NFIB: variants seen among roughly 807,000 people sequenced by gnomAD.
NFIB encodes nuclear factor 1 B-type.
A neutral mutation model predicts 61.5 loss-of-function variants in NFIB; 11 were observed. The observed-to-expected ratio is 0.18, with a 90% CI of 0.11 to 0.30. The LOEUF (loss-of-function observed/expected upper bound fraction) is 0.30, where lower values mean the gene tolerates loss of function less well. Ranked by LOEUF, NFIB falls within the 10% of genes least tolerant of loss-of-function variation. The pLI is 1.00. For missense variants in NFIB, 471 were observed against 608.9 expected (o/e 0.77, Z 2.38); for synonymous variants, 260 against 216.5 (o/e 1.20, Z -1.76).
chr9:14,153,133 T>A (rs773240188), intron 4 of NFIB, among the ~76,000 whole-genome samples: 1 of 152,116 alleles, frequency 6.6e-6, no homozygotes, highest in African/African-American at 2.4e-5. Context: ...AGAGATCACA[T>A]GGATTCCATA....
At chr9:14,366,495 T>C (rs1291450887) in intron 1 of NFIB, among the ~76,000 whole-genome samples, 1 of 152,064 alleles carries the variant, frequency 6.6e-6, no homozygotes, top group Non-Finnish European at 1.5e-5. Flanking sequence ...TCTTTTTTTT[T>C]TTCTTCTTGA....
chr9:14,254,298 C>A (rs1587948835), intron 2 of NFIB, among the ~76,000 whole-genome samples: 2 of 150,662 alleles, frequency 1.3e-5, no homozygotes, highest in Admixed American at 1.3e-4. Context: ...GACACTGTCT[C>A]AAAAAAAACA....
At chr9:14,366,074 C>T (rs1184870079) in intron 1 of NFIB, among the ~76,000 whole-genome samples, 2 of 152,198 alleles carry the variant, frequency 1.3e-5, no homozygotes, top group African/African-American at 4.8e-5. Flanking sequence ...TCCAGACGCT[C>T]CTGATCAAAG....
chr9:14,101,373 T>G (rs941257766), intron 10 of NFIB, among the ~76,000 whole-genome samples: 1 of 152,208 alleles, frequency 6.6e-6, no homozygotes, highest in Non-Finnish European at 1.5e-5. Flanking sequence ...TTCCTTAATT[T>G]TTATCTGAAT....
At chr9:14,462,428 AC>A in the NFIB span, among the ~76,000 whole-genome samples, 72 of 151,662 alleles carry the variant, frequency 4.7e-4, no homozygotes, top group Non-Finnish European at 8.7e-4. Context: ...GACTACAGGC[AC>A]CCGCCACCAC....
chr9:14,100,240 T>TA (rs1375995575), intron 10 of NFIB, among the ~76,000 whole-genome samples: 1 of 152,144 alleles, frequency 6.6e-6, no homozygotes, highest in Non-Finnish European at 1.5e-5. Context: ...TCTGACTTAC[T>TA]ATGACCTGAA....
At chr9:14,335,990 G>T (rs1361675924) in intron 1 of NFIB, among the ~76,000 whole-genome samples, 1 of 152,046 alleles carries the variant, frequency 6.6e-6, no homozygotes, top group African/African-American at 2.4e-5. Context: ...CATACATGTG[G>T]GTCTATTTCT....
intron 2 of NFIB, among the ~76,000 whole-genome samples, chr9:14,296,110 T>C (rs141255001): frequency 1.3e-5 from 2 of 152,328 alleles, no homozygotes; most frequent in Non-Finnish European, 2.9e-5. Context: ...TTACCTGAGA[T>C]AAATATGAAC....
chr9:14,159,502 G>T, intron 3 of NFIB, among the ~76,000 whole-genome samples: 1 of 152,180 alleles, frequency 6.6e-6, no homozygotes, highest in East Asian at 1.9e-4. Context: ...TGGGAACAGG[G>T]ACAGGTGAGA....
chr9:14,170,048 T>C (rs2045393688), intron 3 of NFIB, among the ~76,000 whole-genome samples: 1 of 152,284 alleles, frequency 6.6e-6, no homozygotes, highest in East Asian at 1.9e-4. Context: ...TTGCAATATA[T>C]TACTATAGAA....
the NFIB span, among the ~76,000 whole-genome samples, chr9:14,413,322 A>G: frequency 3.3e-5 from 5 of 152,264 alleles, no homozygotes; most frequent in South Asian, 2.1e-4. Flanking sequence ...ACACTCCACA[A>G]TGAGGAGTGG....
chr9:14,142,957 T>C (rs551307862), intron 6 of NFIB, among the ~76,000 whole-genome samples: 1 of 152,222 alleles, frequency 6.6e-6, no homozygotes, highest in South Asian at 2.1e-4. Flanking sequence ...TTTCATTTTG[T>C]TCTGTATATA....
chr9:14,370,747 A>G (rs906011011), intron 1 of NFIB, among the ~76,000 whole-genome samples: 1 of 152,222 alleles, frequency 6.6e-6, no homozygotes, highest in Non-Finnish European at 1.5e-5. Context: ...CCTTTGCCAT[A>G]GGGCTTTTTT....
At chr9:14,417,776 T>TG in the NFIB span, among the ~76,000 whole-genome samples, 2 of 129,290 alleles carry the variant, frequency 1.5e-5, no homozygotes, top group African/African-American at 3.6e-5. Context: ...TAGGAACAGT[T>TG]TTTTTTTTTT....
rs1350365246 is a variant in NFIB at position 14,307,669 on chromosome 9, T to C, written c.31-149A>G. On this transcript the variant is annotated intron_variant, in intron 1 of 10. Transcript: ENST00000380953. The surrounding 1 kb of genome is among the most constrained non-coding windows in gnomAD (Gnocchi z 5.3). ...AACATTCCTTTCTTATTTAAAATTA[T>C]CAAAATAACAGGACAAGAAGAAAGT... 1 of 846,004 alleles carries C rather than the reference T, an allele frequency of 1.2e-6. No homozygotes were observed. The highest frequency in any genetic ancestry group is 1.7e-6 in the Non-Finnish European group (1 of 581,748). 52.4% of individuals were successfully genotyped at this position (846,004 alleles called of 1,614,324 possible).
At chr9:14,363,965 C>A (rs1458680329) in intron 1 of NFIB, among the ~76,000 whole-genome samples, 2 of 152,108 alleles carry the variant, frequency 1.3e-5, no homozygotes, top group Admixed American at 1.3e-4. Context: ...TATTAATTCA[C>A]CTTTGAGTTC....
chr9:14,404,890 G>C, the NFIB span, among the ~76,000 whole-genome samples: 3 of 152,186 alleles, frequency 2.0e-5, no homozygotes, highest in African/African-American at 7.2e-5. Context: ...AGCAGCAAAA[G>C]GGGTGTTGTC....
At chr9:14,439,345 G>A in the NFIB span, among the ~76,000 whole-genome samples, 1 of 152,216 alleles carries the variant, frequency 6.6e-6, no homozygotes, top group Non-Finnish European at 1.5e-5. Flanking sequence ...ACTCCAGCCT[G>A]GGTGACAGAA....
the NFIB span, among the ~76,000 whole-genome samples, chr9:14,420,566 A>G: frequency 2.0e-5 from 3 of 151,978 alleles, no homozygotes; most frequent in Non-Finnish European, 4.4e-5. Flanking sequence ...TTACTGATGA[A>G]GATATTTGGT....
Sources: allele counts gnomAD v4.1 joint callset (sites outside exome capture counted in the v4.1 genomes callset), GRCh38; gene constraint gnomAD v4.1.1; non-coding constraint Gnocchi (gnomAD v3.1); transcripts MANE v1.5; gene names NCBI Gene and HGNC (gene_info 2026-07-23, HGNC 2026-07-21).